ASTN2: variants seen among roughly 807,000 people sequenced by gnomAD.
The protein encoded by ASTN2 is astrotactin 2.
A neutral mutation model predicts 139.8 loss-of-function variants in ASTN2; 54 were observed. The observed-to-expected ratio is 0.39, with a 90% CI of 0.31 to 0.48. The LOEUF (loss-of-function observed/expected upper bound fraction) is 0.48, where lower values mean the gene tolerates loss of function less well. Among genes scored for constraint, ASTN2 ranks in the 20% least tolerant of loss-of-function variants. The pLI is 0.95. For synonymous variants in ASTN2, 756 were observed against 719.5 expected, an observed-to-expected ratio of 1.05 and a Z score of -0.81; for missense variants, 1,565 against 1,725.1, an observed-to-expected ratio of 0.91 and a Z score of 1.64.
intron 16 of ASTN2, among the ~76,000 whole-genome samples, chr9:116,711,294 A>G (rs1828150784): frequency 6.6e-6 from 1 of 152,254 alleles, no homozygotes; most frequent in Non-Finnish European, 1.5e-5. Flanking sequence ...ATTTTACACA[A>G]GTAAAAGCTG....
At chr9:116,780,843 C>CTTTT (rs35531108) in intron 13 of ASTN2, among the ~76,000 whole-genome samples, 1 of 144,800 alleles carries the variant, frequency 6.9e-6, no homozygotes, top group African/African-American at 2.5e-5. Context: ...ATGTCAAATT[C>CTTTT]TTTTTTTTTT....
At chr9:117,163,692 A>T (rs1402268292) in intron 3 of ASTN2, among the ~76,000 whole-genome samples, 2 of 152,078 alleles carry the variant, frequency 1.3e-5, no homozygotes, top group African/African-American at 4.8e-5. Flanking sequence ...ACCATGAGAC[A>T]ATCGATATAT....
At chr9:116,693,751 C>T (rs1040030524) in intron 16 of ASTN2, among the ~76,000 whole-genome samples, 1 of 152,148 alleles carries the variant, frequency 6.6e-6, no homozygotes, top group Non-Finnish European at 1.5e-5. Context: ...AGAAAATGGG[C>T]AGCTTACTTA....
chr9:117,402,993 T>G (rs1015376080), intron 1 of ASTN2, among the ~76,000 whole-genome samples: 3 of 152,144 alleles, frequency 2.0e-5, no homozygotes, highest in African/African-American at 7.2e-5. Flanking sequence ...CATTTGCAAG[T>G]AATTAATGAG....
intron 19 of ASTN2, among the ~76,000 whole-genome samples, chr9:116,545,152 A>C (rs1346484733): frequency 6.6e-6 from 1 of 152,222 alleles, no homozygotes; most frequent in Non-Finnish European, 1.5e-5. Context: ...ATGCAGAGCC[A>C]GGGATGCCAG....
rs538124801 is a variant in ASTN2 at position 116,450,599 on chromosome 9, C to A, written c.3498-8046G>T. ...CAGCCTGGGACATGAGGGTATTGGGCAAGTTGGGCTGGAGAGGCTGCCAAA... is the reference window on the plus strand; with the variant it reads ...CAGCCTGGGACATGAGGGTATTGGGAAAGTTGGGCTGGAGAGGCTGCCAAA... On this transcript the variant is annotated intron_variant, in intron 20 of 22. Coordinates refer to ENST00000313400, the MANE Select transcript of ASTN2 (RefSeq NM_001365068.1). 6.6e-5 allele frequency among the ~76,000 whole-genome samples: 10 copies of A among 152,222 alleles called. No individual in the cohort carries two copies. The East Asian group carries it at 1.9e-3, about 29-fold the overall frequency.
In ASTN2 at chr9:116,677,780, T is replaced by C. The variant is rs573870159; in HGVS notation, c.2807-25987A>G. On this transcript the variant is annotated intron_variant, in intron 16 of 22. Coordinates refer to ENST00000313400, the MANE Select transcript of ASTN2 (RefSeq NM_001365068.1). ...ATAAAATGGGACCCTTAATTTTGGG[T>C]ATCTGTCTTTGCGTTCAGCTGCTTA... 3.9e-5 allele frequency among the ~76,000 whole-genome samples: 6 copies of C among 152,282 alleles called. No homozygotes were observed. The East Asian group carries it at 7.7e-4, about 20-fold the overall frequency.
chr9:116,916,394 T>C (rs1229994042), intron 10 of ASTN2, among the ~76,000 whole-genome samples: 2 of 152,208 alleles, frequency 1.3e-5, no homozygotes, highest in African/African-American at 4.8e-5. Flanking sequence ...ACTATATGAT[T>C]GTTTCCATCT....
intron 13 of ASTN2, among the ~76,000 whole-genome samples, chr9:116,765,207 C>A (rs552691466): frequency 1.3e-5 from 2 of 152,240 alleles, no homozygotes; most frequent in South Asian, 2.1e-4. Flanking sequence ...CCTAATGAAC[C>A]TTTCCTTGCA....
At position 117,414,111 on chromosome 9, in the gene ASTN2, T is replaced by C. The variant is rs569279437; in HGVS notation, c.442+386A>G. Among the ~76,000 whole-genome samples, 21 of 151,964 alleles carry C rather than the reference T, an allele frequency of 1.4e-4. No individual in the cohort carries two copies. In the East Asian group the frequency reaches 4.1e-3, roughly 30 times the overall value. On this transcript the variant is annotated intron_variant, in intron 1 of 22. Coordinates refer to ENST00000313400, the MANE Select transcript of ASTN2 (RefSeq NM_001365068.1). The surrounding 1 kb of genome is among the most constrained non-coding windows in gnomAD (Gnocchi z 4.2). Reference sequence around the variant, plus strand: ...GGTGACGGCGGGTGGCCAGTGACGGTACCCGGAGAAGTGGGAGGCTCGACC... The same window carrying C: ...GGTGACGGCGGGTGGCCAGTGACGGCACCCGGAGAAGTGGGAGGCTCGACC...
At chr9:117,312,760 A>G (rs894236866) in intron 1 of ASTN2, among the ~76,000 whole-genome samples, 1 of 152,054 alleles carries the variant, frequency 6.6e-6, no homozygotes, top group African/African-American at 2.4e-5. Flanking sequence ...GAACACAACC[A>G]TTCCCCTCCC....
intron 13 of ASTN2, among the ~76,000 whole-genome samples, chr9:116,793,850 T>C (rs1256361696): frequency 6.6e-6 from 1 of 152,180 alleles, no homozygotes; most frequent in Admixed American, 6.5e-5. Context: ...TATTGAGTTC[T>C]GACTTTAAGC....
chr9:116,498,846 C>T (rs958898042), intron 19 of ASTN2, among the ~76,000 whole-genome samples: 1 of 152,156 alleles, frequency 6.6e-6, no homozygotes, highest in Admixed American at 6.5e-5. Context: ...TCTTTAATAA[C>T]CTGGAAACAT....
intron 10 of ASTN2, among the ~76,000 whole-genome samples, chr9:116,878,659 A>G (rs777038344): frequency 4.6e-5 from 7 of 152,056 alleles, no homozygotes; most frequent in African/African-American, 7.2e-5. Context: ...ACATTTACCT[A>G]TGCAACAAAC....
intron 17 of ASTN2, among the ~76,000 whole-genome samples, chr9:116,647,733 T>C (rs1210244229): frequency 6.6e-6 from 1 of 152,172 alleles, no homozygotes; most frequent in East Asian, 1.9e-4. Context: ...ATTCACAGGC[T>C]CATTCACCAA....
At chr9:116,579,883 G>A (rs376723995) in intron 19 of ASTN2, among the ~76,000 whole-genome samples, 21 of 152,080 alleles carry the variant, frequency 1.4e-4, no homozygotes, top group South Asian at 6.2e-4. Context: ...GTGCAGTGGC[G>A]CGATCTCTGC....
At position 116,839,885 on chromosome 9, in the gene ASTN2, T is replaced by A. The variant is rs1386053280; in HGVS notation, c.2041-19102A>T. Among the ~76,000 whole-genome samples the A allele has an allele frequency of 4.2e-4, 49 of 116,590 alleles. No homozygotes were observed. The East Asian group carries it at 4.8e-3, about 11-fold the overall frequency. 76.5% of individuals were successfully genotyped at this position (116,590 alleles called of 152,430 possible). On this transcript the variant is annotated intron_variant, in intron 11 of 22. Coordinates refer to ENST00000313400, the MANE Select transcript of ASTN2 (RefSeq NM_001365068.1). ...ATTATTATTATTATTATTATTATTT[T>A]TTTTTTTTTAATTGATCATTCTTGG...
At chr9:116,911,149 G>A (rs1159262967) in intron 10 of ASTN2, among the ~76,000 whole-genome samples, 6 of 152,192 alleles carry the variant, frequency 3.9e-5, no homozygotes, top group African/African-American at 7.2e-5. Context: ...ATTCGCAAGC[G>A]AGTAAGATCC....
At chr9:117,328,087 C>A (rs576713402) in intron 1 of ASTN2, among the ~76,000 whole-genome samples, 37 of 152,140 alleles carry the variant, frequency 2.4e-4, no homozygotes, top group Non-Finnish European at 5.1e-4. Flanking sequence ...ATTCTTAGAT[C>A]AGGATTCTGA....
Sources: gnomAD v4.1 joint callset for allele counts (sites outside exome capture counted in the v4.1 genomes callset) on GRCh38, gnomAD v4.1.1 for gene constraint, Gnocchi (gnomAD v3.1) non-coding constraint, MANE v1.5 for transcripts, NCBI Gene and HGNC (gene_info 2026-07-23, HGNC 2026-07-21) for gene names.